Variants in TECPR2 observed in about 807,000 individuals in gnomAD.
TECPR2 encodes the protein tectonin beta-propeller repeat containing 2.
A neutral mutation model predicts 138.1 loss-of-function variants in TECPR2; 65 were observed. That is an observed-to-expected ratio of 0.47 (90% CI 0.39 to 0.58). TECPR2 has a LOEUF of 0.58. Among genes scored for constraint, TECPR2 ranks in the 20% least tolerant of loss-of-function variants. The pLI is 0.00. For synonymous variants in TECPR2, 746 were observed against 749.8 expected, an observed-to-expected ratio of 0.99 and a Z score of 0.08; for missense variants, 1,553 against 1,824.5, an observed-to-expected ratio of 0.85 and a Z score of 2.71.
At chr14:102,405,476 C>T (rs1378061943) in intron 2 of TECPR2, among the ~76,000 whole-genome samples, 1 of 152,112 alleles carries the variant, frequency 6.6e-6, no homozygotes, top group Non-Finnish European at 1.5e-5. Flanking sequence ...CTATACCCCA[C>T]ACCCATTAGG....
At chr14:102,398,711 C>T (rs776416448) in intron 2 of TECPR2, among the ~76,000 whole-genome samples, 40 of 151,874 alleles carry the variant, frequency 2.6e-4, no homozygotes, top group Non-Finnish European at 2.2e-4. Context: ...AAAAATTAGC[C>T]GGGCGAGGTG....
chr14:102,384,684 A>T (rs9743595), intron 2 of TECPR2, among the ~76,000 whole-genome samples: 4,477 of 146,600 alleles, frequency 0.031, 111 homozygotes, highest in South Asian at 0.11. Flanking sequence ...CTCAAAAAAA[A>T]ATATATATAT....
At chr14:102,475,752 T>C (rs1017268248) in intron 17 of TECPR2, among the ~76,000 whole-genome samples, 2 of 151,704 alleles carry the variant, frequency 1.3e-5, no homozygotes, top group African/African-American at 2.4e-5. Context: ...AGCAGGAAAA[T>C]ACGACCTGCA....
At chr14:102,452,704 A>C in intron 16 of TECPR2, 77 bp downstream of exon 16, 4 of 1,233,520 alleles carry the variant, frequency 3.2e-6, no homozygotes, top group Non-Finnish European at 4.6e-6. Context: ...GTCGGACAAA[A>C]CTGCCCGGCC....
At chr14:102,422,337 G>A (rs927576480) in intron 5 of TECPR2, among the ~76,000 whole-genome samples, 4 of 152,162 alleles carry the variant, frequency 2.6e-5, no homozygotes, top group South Asian at 2.1e-4. Context: ...GCAAAACAAC[G>A]TATAACAAAA....
intron 17 of TECPR2, among the ~76,000 whole-genome samples, chr14:102,495,466 G>A (rs1022147742): frequency 6.6e-6 from 1 of 152,156 alleles, no homozygotes; most frequent in African/African-American, 2.4e-5. Flanking sequence ...GGGAAGCGCT[G>A]TTCTAGGCTA....
At chr14:102,480,221 T>TA (rs113961836) in intron 17 of TECPR2, among the ~76,000 whole-genome samples, 13,018 of 96,938 alleles carry the variant, frequency 0.13, 745 homozygotes, top group African/African-American at 0.29. Context: ...GTTTTTTTTT[T>TA]TTTTTTTTTA....
chr14:102,414,175 AC>A (rs1888960067), intron 4 of TECPR2, among the ~76,000 whole-genome samples: 2 of 152,238 alleles, frequency 1.3e-5, no homozygotes, highest in Non-Finnish European at 2.9e-5. Flanking sequence ...ATATGAACTT[AC>A]AGAGCTGATT....
chr14:102,377,688 AGAGT>A (rs773936683), intron 2 of TECPR2, among the ~76,000 whole-genome samples: 55 of 152,318 alleles, frequency 3.6e-4, no homozygotes, highest in Admixed American at 7.2e-4. Flanking sequence ...CCTGGGTGAC[AGAGT>A]GAGACTCCAT....
chr14:102,489,667 T>G lies in TECPR2; in HGVS notation c.3790-7312T>G, dbSNP rs142311387. Among the ~76,000 whole-genome samples the G allele has an allele frequency of 3.4e-3, 507 of 147,452 alleles. 5 individuals are homozygous for G. The highest frequency in any genetic ancestry group is 0.012 in the African/African-American group (478 of 39,416). The stretch of plus-strand genomic sequence containing the variant: ...TTGCAGTGAGCCAACATCACACCAT[T>G]GCACTCCAGCCCGGGCGACAAGAGC... On this transcript the variant is annotated intron_variant, in intron 17 of 19. Transcript: ENST00000359520.
intron 17 of TECPR2, among the ~76,000 whole-genome samples, chr14:102,488,460 C>G (rs147871465): frequency 1.3e-5 from 2 of 152,014 alleles, no homozygotes; most frequent in Non-Finnish European, 2.9e-5. Context: ...CTGCCTCAGC[C>G]TCCTGAGTAG....
chr14:102,435,453 G>A (rs780969776), intron 9 of TECPR2, among the ~76,000 whole-genome samples: 3 of 152,176 alleles, frequency 2.0e-5, no homozygotes, highest in Non-Finnish European at 2.9e-5. Context: ...CCAAGGTAGC[G>A]TCTTGCTGTT....
At chr14:102,446,837 A>G (rs1430071071) in intron 13 of TECPR2, among the ~76,000 whole-genome samples, 1 of 152,176 alleles carries the variant, frequency 6.6e-6, no homozygotes, top group Non-Finnish European at 1.5e-5. Context: ...TATTGTTTAT[A>G]TATTTATTAT....
At position 102,419,922 on chromosome 14, in the gene TECPR2, G is replaced by T. The variant is rs547654794; in HGVS notation, c.639-5057G>T. Among the ~76,000 whole-genome samples, 2 of 152,266 alleles carry T rather than the reference G, an allele frequency of 1.3e-5. No individual in the cohort carries two copies. Among genetic ancestry groups the T allele is most frequent in the East Asian group, 3.9e-4 (2 of 5,178 alleles). On this transcript the variant is annotated intron_variant, in intron 5 of 19. Transcript: ENST00000359520. The surrounding 1 kb of genome is among the most constrained non-coding windows in gnomAD (Gnocchi z 4.8). ...TCTGTAGGTGTGGCGCCCGCATGTG[G>T]GTAAGAGCCAGCAGCCGGTTCTGGA...
Position 102,428,237 on chromosome 14 carries a change from TTTTTTTTG to T in TECPR2, c.952-12_952-5del. 7.2e-7 allele frequency: 1 copy of T among 1,383,520 alleles called. No homozygotes were observed. The highest frequency in any genetic ancestry group is 9.4e-7 in the Non-Finnish European group (1 of 1,066,604). 85.7% of individuals were successfully genotyped at this position (1,383,520 alleles called of 1,614,324 possible). A position where few individuals can be genotyped will look rare whatever the true frequency, so the allele number is the denominator to read the frequency against. ...TGTGTTTTTTGTTTTTTTTTTTTTTTTTTTTTTGACAGGCCACAGTTGCTGGTTTGGAA... is the reference window on the plus strand; with the variant it reads ...TGTGTTTTTTGTTTTTTTTTTTTTTTACAGGCCACAGTTGCTGGTTTGGAA... On this transcript the variant is annotated splice_polypyrimidine_tract_variant and splice_region_variant and intron_variant, in intron 6 of 19. Transcript: ENST00000359520.
chr14:102,407,228 T>C, intron 2 of TECPR2, 110 bp from the exon 3 acceptor site: 1 of 1,369,254 alleles, frequency 7.3e-7, no homozygotes, highest in Non-Finnish European at 9.8e-7. Context: ...CAAGAATATG[T>C]ATGGACTGCA....
rs1891433137 is a variant in TECPR2, at chr14:102,501,388, G to C, written c.*3131G>C. ...ATAGATTTGATTTCTCCAAAATACA[G>C]AAATGCTGCTGGGCACAGTGATGTG... On this transcript the variant is annotated 3_prime_UTR_variant, in exon 20 of 20. Transcript: ENST00000359520. The C allele has an allele frequency of 6.6e-6, 1 of 152,190 alleles. No homozygotes were observed. Among genetic ancestry groups the C allele is most frequent in the Admixed American group, 6.5e-5 (1 of 15,278 alleles). 9.4% of individuals were successfully genotyped at this position (152,190 alleles called of 1,614,324 possible).
intron 17 of TECPR2, among the ~76,000 whole-genome samples, chr14:102,473,107 C>T (rs1890682946): frequency 6.6e-6 from 1 of 152,228 alleles, no homozygotes; most frequent in Admixed American, 6.5e-5. Context: ...GGCCTCATAG[C>T]GGGCAGGCGG....
Position 102,434,731 on chromosome 14 carries a change from T to G in TECPR2, c.1914T>G (p.Thr638=), listed in dbSNP as rs747361542. The change falls in exon 9 of 20, where the codon ACT becomes ACG. Residue 638 remains threonine (T), a synonymous_variant. Transcript: ENST00000359520. ...TCCAACCCATTGGCCCCCAAAGCAC[T>G]TTTTGTGAAGTCCCCCTCCTGAACT... ...EDIQPIGPQS[T]FCEVPLLNSL... is the part of the protein sequence containing the mutation. 6.2e-7 allele frequency: 1 copy of G among 1,613,748 alleles called. No homozygotes were observed. The highest frequency in any genetic ancestry group is 1.1e-5 in the South Asian group (1 of 91,080).
Sources: gnomAD v4.1 joint callset for allele counts (sites outside exome capture counted in the v4.1 genomes callset) on GRCh38, gnomAD v4.1.1 for gene constraint, Gnocchi (gnomAD v3.1) non-coding constraint, MANE v1.5 for transcripts, NCBI Gene and HGNC (gene_info 2026-07-23, HGNC 2026-07-21) for gene names.